The following TMPRSS15 variants were observed in gnomAD, a reference collection of about 807,000 sequenced individuals.
TMPRSS15 encodes the protein enteropeptidase.
In TMPRSS15, 128 loss-of-function variants were observed where a neutral mutation model predicts 125.3. That is an observed-to-expected ratio of 1.02 (90% CI 0.89 to 1.18). TMPRSS15 has a LOEUF of 1.18. Ranked by LOEUF, TMPRSS15 falls within the 50% of genes most tolerant of loss-of-function variation. TMPRSS15 has a pLI of 0.00. For synonymous variants in TMPRSS15, 446 were observed against 423.2 expected (o/e 1.05, Z -0.66); for missense variants, 1,283 against 1,212.7 (o/e 1.06, Z -0.86).
At chr21:18,380,794 A>G (rs1412364822) in intron 4 of TMPRSS15, among the ~76,000 whole-genome samples, 5 of 152,120 alleles carry the variant, frequency 3.3e-5, no homozygotes, top group African/African-American at 1.2e-4. Context: ...TATGCAGTTT[A>G]CTTATGCAAA....
chr21:18,311,981 C>T (rs2075105408), intron 18 of TMPRSS15, among the ~76,000 whole-genome samples: 1 of 152,040 alleles, frequency 6.6e-6, no homozygotes, highest in Non-Finnish European at 1.5e-5. Flanking sequence ...CAAGGATTAG[C>T]CTAGAGTTTA....
chr21:18,275,760 G>A (rs1001260906), intron 23 of TMPRSS15, among the ~76,000 whole-genome samples: 5 of 152,166 alleles, frequency 3.3e-5, no homozygotes, highest in Non-Finnish European at 5.9e-5. Context: ...ATAGCATTCA[G>A]CTTCTTTGTG....
chr21:18,416,864 C>T (rs1251908867), intron 1 of TMPRSS15, among the ~76,000 whole-genome samples: 1 of 151,998 alleles, frequency 6.6e-6, no homozygotes, highest in Non-Finnish European at 1.5e-5. Context: ...ATGCTCTTTA[C>T]TTTGTATTAA....
intron 16 of TMPRSS15, among the ~76,000 whole-genome samples, chr21:18,318,238 C>G (rs1028500639): frequency 6.6e-6 from 1 of 151,988 alleles, no homozygotes; most frequent in Admixed American, 6.6e-5. Context: ...ATTAGGGATT[C>G]GGAGCTGAAC....
At chr21:18,417,311 A>G (rs1478942922) in intron 1 of TMPRSS15, among the ~76,000 whole-genome samples, 1 of 152,098 alleles carries the variant, frequency 6.6e-6, no homozygotes, top group Non-Finnish European at 1.5e-5. Flanking sequence ...AGAACTTTAC[A>G]TAATCCTATG....
chr21:18,471,244 G>T (rs1978773975), intron 1 of TMPRSS15, among the ~76,000 whole-genome samples: 1 of 152,072 alleles, frequency 6.6e-6, no homozygotes, highest in African/African-American at 2.4e-5. Flanking sequence ...CCTATTTGCA[G>T]ATTTGTAATT....
chr21:18,380,184 C>CAT (rs1264997744), intron 4 of TMPRSS15, among the ~76,000 whole-genome samples: 1 of 151,240 alleles, frequency 6.6e-6, no homozygotes, highest in East Asian at 1.9e-4. Context: ...CACACACACA[C>CAT]ACACACACAC....
At chr21:18,409,205 C>T (rs942581010) in intron 1 of TMPRSS15, among the ~76,000 whole-genome samples, 1 of 151,880 alleles carries the variant, frequency 6.6e-6, no homozygotes, top group African/African-American at 2.4e-5. Context: ...ATGATGCTAA[C>T]CCTTTTTCTT....
At chr21:18,424,668 G>A (rs1193148778) in intron 1 of TMPRSS15, among the ~76,000 whole-genome samples, 1 of 151,984 alleles carries the variant, frequency 6.6e-6, no homozygotes, top group African/African-American at 2.4e-5. Flanking sequence ...AAAGGAGCCG[G>A]GGGAAAAAGG....
Position 18,341,453 on chromosome 21 carries a change from T to C in TMPRSS15, c.1524A>G (p.Pro508=), listed in dbSNP as rs1358339946. The C allele has an allele frequency of 2.3e-5, 37 of 1,614,186 alleles. No homozygotes were observed. Among genetic ancestry groups the C allele is most frequent in the Non-Finnish European group, 3.1e-5 (37 of 1,180,016 alleles). Residue 508 remains proline, a synonymous_variant, in exon 13 of 25, where the codon CCA becomes CCG. Coordinates refer to ENST00000284885, the MANE Select transcript of TMPRSS15 (RefSeq NM_002772.3). The part of the protein sequence containing the change: ...TYGICNGSLY[P]EPTLVPTPPP... ...GAGGAGTTGGCACCAAAGTTGGTTC[T>C]GGATAAAGACTCCCATTGCAAATCC...
At chr21:18,426,694 C>T (rs1409705632) in intron 1 of TMPRSS15, among the ~76,000 whole-genome samples, 1 of 152,140 alleles carries the variant, frequency 6.6e-6, no homozygotes, top group Non-Finnish European at 1.5e-5. Flanking sequence ...TGTTGAACTT[C>T]ACCTATGATA....
chr21:18,344,781 TTTATTC>T (rs2075487750), intron 10 of TMPRSS15, among the ~76,000 whole-genome samples: 1 of 152,222 alleles, frequency 6.6e-6, no homozygotes, highest in Non-Finnish European at 1.5e-5. Flanking sequence ...GGGAATTTAT[TTTATTC>T]TTAGTTTCCT....
intron 19 of TMPRSS15, among the ~76,000 whole-genome samples, chr21:18,296,892 AT>A (rs1295320056): frequency 1.3e-5 from 2 of 152,112 alleles, no homozygotes; most frequent in Non-Finnish European, 2.9e-5. Flanking sequence ...TACCATTTTT[AT>A]TTTTTTACTG....
intron 1 of TMPRSS15, among the ~76,000 whole-genome samples, chr21:18,424,175 A>C (rs1257467465): frequency 6.6e-6 from 1 of 152,188 alleles, no homozygotes; most frequent in Non-Finnish European, 1.5e-5. Context: ...GAGGTCCTAC[A>C]TTTATTCTTT....
chr21:18,363,410 C>T (rs2147028678), intron 7 of TMPRSS15, among the ~76,000 whole-genome samples: 2 of 152,174 alleles, frequency 1.3e-5, no homozygotes, highest in Admixed American at 1.3e-4. Flanking sequence ...ATCATTACAG[C>T]AGAAGTTTAT....
chr21:18,406,717 T>G (rs530795745), upstream of TMPRSS15, among the ~76,000 whole-genome samples: 57 of 152,264 alleles, frequency 3.7e-4, no homozygotes, highest in African/African-American at 1.3e-3. Flanking sequence ...AATAATCAAG[T>G]TGAATAGCAA....
At chr21:18,296,105 A>G (rs1467554976) in intron 19 of TMPRSS15, among the ~76,000 whole-genome samples, 2 of 152,218 alleles carry the variant, frequency 1.3e-5, no homozygotes, top group Non-Finnish European at 2.9e-5. Flanking sequence ...GTGAGCCGAG[A>G]TCACGCCACT....
chr21:18,428,652 T>G lies in TMPRSS15; in HGVS notation c.11-30323A>C, dbSNP rs369704204. On this transcript the variant is annotated intron_variant, in intron 1 of 7. Transcript: ENST00000422787. ...GCCCCAAGCCTTTTCAGCTTCCACA[T>G]GGTGTTGAGCCTGTGAGTGCACAGA... is the stretch of plus-strand genomic sequence containing the variant. Among the ~76,000 whole-genome samples the G allele has an allele frequency of 5.9e-5, 9 of 152,224 alleles. No homozygotes were observed. The South Asian group carries it at 1.5e-3, about 25-fold the overall frequency.
intron 1 of TMPRSS15, among the ~76,000 whole-genome samples, chr21:18,428,186 G>C (rs1431627390): frequency 6.6e-6 from 1 of 152,176 alleles, no homozygotes; most frequent in Non-Finnish European, 1.5e-5. Context: ...AATAAGATTT[G>C]ACAATCTACT....
Sources: allele counts gnomAD v4.1 joint callset (sites outside exome capture counted in the v4.1 genomes callset), GRCh38; gene constraint gnomAD v4.1.1; transcripts MANE v1.5; gene names NCBI Gene and HGNC (gene_info 2026-07-23, HGNC 2026-07-21).